Variants in TCF4 observed in about 807,000 individuals in gnomAD.
The protein encoded by TCF4 is transcription factor 4.
Under a neutral mutation model 82.1 loss-of-function variants are expected in TCF4, and 3 were observed. The observed-to-expected ratio is 0.04, with a 90% CI of 0.02 to 0.09. The LOEUF is 0.09. Among genes scored for constraint, TCF4 ranks in the 10% least tolerant of loss-of-function variants. TCF4 has a pLI of 1.00. For missense variants in TCF4, 518 were observed against 852.7 expected, an observed-to-expected ratio of 0.61 and a Z score of 4.89; for synonymous variants, 276 against 309.6, an observed-to-expected ratio of 0.89 and a Z score of 1.14.
intron 8 of TCF4, among the ~76,000 whole-genome samples, chr18:55,280,668 G>A (rs956836078): frequency 1.3e-5 from 2 of 151,872 alleles, no homozygotes; most frequent in African/African-American, 2.4e-5. Context: ...AGCAGGCAGC[G>A]GCTCACAAAA....
intron 6 of TCF4, among the ~76,000 whole-genome samples, chr18:55,391,973 T>C (rs2093151168): frequency 1.0e-5 from 1 of 98,160 alleles, no homozygotes; most frequent in Non-Finnish European, 2.2e-5. Context: ...TTTTTTTTTT[T>C]TTTTTTTTGA....
At chr18:55,444,063 C>T (rs1568043303) in intron 5 of TCF4, among the ~76,000 whole-genome samples, 1 of 152,208 alleles carries the variant, frequency 6.6e-6, no homozygotes, top group Admixed American at 6.5e-5. Context: ...TCCTAAGCAT[C>T]ACACCATCTC....
intron 3 of TCF4, among the ~76,000 whole-genome samples, chr18:55,567,162 A>C (rs1165799143): frequency 6.6e-6 from 1 of 152,216 alleles, no homozygotes; most frequent in Non-Finnish European, 1.5e-5. Flanking sequence ...ATATAGACAA[A>C]TACTACACAA....
Position 55,225,160 on chromosome 18 carries a change from G to T in TCF4, c.*2875C>A, listed in dbSNP as rs938906641. 2.0e-5 allele frequency: 3 copies of T among 152,374 alleles called. No homozygotes were observed. The highest frequency in any genetic ancestry group is 4.4e-5 in the Non-Finnish European group (3 of 67,964). 9.4% of individuals were successfully genotyped at this position (152,374 alleles called of 1,614,324 possible). ...GTTTCTCCACCAAGCAAAACCTAGC[G>T]AGCAGCTTTCAGTGGCCGTTAGAAT... On this transcript the variant is annotated 3_prime_UTR_variant, in exon 20 of 20. Transcript: ENST00000354452.
chr18:55,242,806 C>T (rs991050239), intron 15 of TCF4, among the ~76,000 whole-genome samples: 1 of 152,122 alleles, frequency 6.6e-6, no homozygotes, highest in Non-Finnish European at 1.5e-5. Context: ...GACGGGGTTT[C>T]ACCATGTTGG....
intron 5 of TCF4, chr18:55,452,586 G>A (rs955683008): frequency 3.3e-5 from 5 of 152,530 alleles, no homozygotes; most frequent in African/African-American, 7.2e-5. Context: ...GACCACCCAG[G>A]GGACTGGAGA....
intron 2 of TCF4, chr18:55,596,060 C>A (rs1040170084): frequency 9.7e-6 from 4 of 413,936 alleles, no homozygotes; most frequent in Non-Finnish European, 1.9e-5. Flanking sequence ...TGGTGAAACC[C>A]CGTCTCTACT....
chr18:55,366,806 G>T (rs1393083028), intron 6 of TCF4, among the ~76,000 whole-genome samples: 1 of 152,006 alleles, frequency 6.6e-6, no homozygotes, highest in African/African-American at 2.4e-5. Flanking sequence ...TTCATTGCTG[G>T]TGAGCATTTT....
chr18:55,472,189 T>C (rs2096198421), intron 3 of TCF4, among the ~76,000 whole-genome samples: 1 of 152,212 alleles, frequency 6.6e-6, no homozygotes, highest in Admixed American at 6.5e-5. Flanking sequence ...CATCTTCCTA[T>C]AACATAAAAT....
upstream of TCF4, chr18:55,589,597 A>G (rs929795065): frequency 9.6e-7 from 1 of 1,043,596 alleles, no homozygotes; most frequent in African/African-American, 1.7e-5. Context: ...CAGGATAGTT[A>G]TAATTTTTCC....
Position 55,403,375 on chromosome 18 carries a change from T to C in TCF4, c.369+79A>G, listed in dbSNP as rs185723688. On this transcript the variant is annotated intron_variant, in intron 6 of 19. Coordinates refer to ENST00000354452, the MANE Select transcript of TCF4 (RefSeq NM_001083962.2). ...GCATCTTTGGTGTCACAGTTTAAAATGCATCATCTAATTTAGAAAACAAAC... is the reference window on the plus strand; with the variant it reads ...GCATCTTTGGTGTCACAGTTTAAAACGCATCATCTAATTTAGAAAACAAAC... The C allele has an allele frequency of 1.5e-4, 232 of 1,520,970 alleles. No individual in the cohort carries two copies. In the African/African-American group the frequency reaches 2.8e-3, roughly 18 times the overall value. 94.2% of individuals were successfully genotyped at this position (1,520,970 alleles called of 1,614,324 possible). A position where few individuals can be genotyped will look rare whatever the true frequency, so the allele number is the denominator to read the frequency against.
At chr18:55,425,916 AACTACC>A (rs1556314807) in intron 5 of TCF4, among the ~76,000 whole-genome samples, 1 of 152,108 alleles carries the variant, frequency 6.6e-6, no homozygotes, top group Non-Finnish European at 1.5e-5. Flanking sequence ...CTGCTGTTTA[AACTACC>A]ACTCTACAGG....
chr18:55,310,757 T>C (rs2072110746), intron 8 of TCF4, among the ~76,000 whole-genome samples: 2 of 152,236 alleles, frequency 1.3e-5, no homozygotes, highest in South Asian at 4.1e-4. Context: ...GTAAACAATG[T>C]CCGTAATGCC....
chr18:55,532,283 CTCA>C (rs928956278), intron 3 of TCF4, among the ~76,000 whole-genome samples: 11 of 152,088 alleles, frequency 7.2e-5, no homozygotes, highest in African/African-American at 1.9e-4. Flanking sequence ...CATTGCCATC[CTCA>C]TCATCATCAT....
chr18:55,401,393 T>A (rs2093808802), intron 6 of TCF4: 1 of 1,098,016 alleles, frequency 9.1e-7, no homozygotes, highest in Admixed American at 4.6e-5. Context: ...AATGAAGGAA[T>A]CTCCACACTC....
intron 6 of TCF4, among the ~76,000 whole-genome samples, chr18:55,394,416 T>C (rs555414478): frequency 3.3e-5 from 5 of 152,268 alleles, no homozygotes; most frequent in African/African-American, 7.2e-5. Context: ...AACATATATC[T>C]GGTATTCAAG....
intron 5 of TCF4, among the ~76,000 whole-genome samples, chr18:55,434,763 C>CGT (rs527450659): frequency 0.012 from 1,584 of 131,696 alleles, 30 homozygotes; most frequent in African/African-American, 0.027. Context: ...CTCAAGTATT[C>CGT]GTGTGTGTGT....
chr18:55,521,746 G>C (rs2096935149), intron 3 of TCF4, among the ~76,000 whole-genome samples: 1 of 152,148 alleles, frequency 6.6e-6, no homozygotes, highest in Admixed American at 6.6e-5. Flanking sequence ...TAAATATCTA[G>C]ACAGAAAATT....
Position 55,476,043 on chromosome 18 carries a change from CCA to C in TCF4, c.146-11908_146-11907del, listed in dbSNP as rs368694607. ...ACAGGCTATTTGGTGCCTCCTCCCA[CCA>C]CATTCTGTAAACCACTGTGTAAAAA... On this transcript the variant is annotated intron_variant, in intron 3 of 19. Transcript: ENST00000354452. Among the ~76,000 whole-genome samples, 25 of 152,276 alleles carry C rather than the reference CCA, an allele frequency of 1.6e-4. No homozygotes were observed. In the East Asian group the frequency reaches 4.8e-3, roughly 29 times the overall value.
Sources: gnomAD v4.1 joint callset for allele counts (sites outside exome capture counted in the v4.1 genomes callset) on GRCh38, gnomAD v4.1.1 for gene constraint, MANE v1.5 for transcripts, NCBI Gene and HGNC (gene_info 2026-07-23, HGNC 2026-07-21) for gene names.